Variants in PDE4B observed in about 807,000 individuals in gnomAD.
The protein encoded by PDE4B is 3',5'-cyclic-AMP phosphodiesterase 4B.
Under a neutral mutation model 82.2 loss-of-function variants are expected in PDE4B, and 20 were observed. The observed-to-expected ratio is 0.24, with a 90% CI of 0.17 to 0.35. The LOEUF is 0.35. PDE4B is among the 10% of genes least tolerant of loss of function. The pLI is 1.00. For synonymous variants in PDE4B, 320 were observed against 318.9 expected (o/e 1.00, Z -0.04); for missense variants, 655 against 907.2 (o/e 0.72, Z 3.57).
intron 6 of PDE4B, among the ~76,000 whole-genome samples, chr1:66,259,656 G>A (rs1283509177): frequency 1.3e-5 from 2 of 152,120 alleles, no homozygotes; most frequent in Admixed American, 6.6e-5. Context: ...CCCACCACTA[G>A]ACTGTGTGCC....
intron 3 of PDE4B, among the ~76,000 whole-genome samples, chr1:66,206,063 G>T (rs922944514): frequency 5.3e-5 from 8 of 152,232 alleles, no homozygotes; most frequent in Admixed American, 3.9e-4. Flanking sequence ...GACACTCATG[G>T]AGTGGCGATG....
intron 1 of PDE4B, among the ~76,000 whole-genome samples, chr1:65,830,011 C>T (rs1646064212): frequency 1.3e-5 from 2 of 152,048 alleles, no homozygotes; most frequent in African/African-American, 4.8e-5. Context: ...ACAAGGGACT[C>T]TTAAGACATG....
intron 3 of PDE4B, among the ~76,000 whole-genome samples, chr1:65,981,545 CTTT>C (rs35405572): frequency 1.5e-4 from 21 of 140,250 alleles, no homozygotes; most frequent in Admixed American, 2.1e-4. Flanking sequence ...TTCATGTTTC[CTTT>C]TTTTTTTTTT....
chr1:65,970,217 CTT>C (rs34884275), intron 3 of PDE4B, among the ~76,000 whole-genome samples: 2,698 of 143,490 alleles, frequency 0.019, 79 homozygotes, highest in African/African-American at 0.065. Context: ...CAAATATTTT[CTT>C]TTTTTTTTTT....
At chr1:65,950,965 T>C (rs889370379) in intron 3 of PDE4B, among the ~76,000 whole-genome samples, 4 of 152,108 alleles carry the variant, frequency 2.6e-5, no homozygotes, top group Non-Finnish European at 5.9e-5. Context: ...AAATCTTCTA[T>C]AGTCTTGGAT....
intron 7 of PDE4B, among the ~76,000 whole-genome samples, chr1:66,293,989 T>C (rs901938007): frequency 5.9e-5 from 9 of 152,198 alleles, no homozygotes; most frequent in African/African-American, 1.7e-4. Context: ...GCAAGTCCCC[T>C]GAAATCAGGA....
Position 65,796,955 on chromosome 1 carries a change from A to ATTT in PDE4B, c.-71+3720_-71+3722dup, listed in dbSNP as rs71058430. 3.4e-3 allele frequency among the ~76,000 whole-genome samples: 447 copies of ATTT among 131,210 alleles called. 4 individuals are homozygous for ATTT. Among genetic ancestry groups the ATTT allele is most frequent in the Non-Finnish European group, 5.8e-3 (364 of 62,960 alleles). The allele number at this position is 131,210 out of a possible 152,430, so 86.1% of individuals were successfully genotyped here. ...TGAGCCACCGTGTCTAGCCTGAAAC[A>ATTT]TTTTTTTTTTTTTTTGAGATGGAGT... On this transcript the variant is annotated intron_variant, in intron 1 of 16. Coordinates refer to ENST00000341517, the MANE Select transcript of PDE4B (RefSeq NM_002600.4).
intron 3 of PDE4B, among the ~76,000 whole-genome samples, chr1:66,069,209 T>C (rs1423373907): frequency 2.0e-5 from 3 of 152,030 alleles, no homozygotes; most frequent in East Asian, 1.9e-4. Flanking sequence ...ATAACTCCAA[T>C]TGACTTTTCC....
At chr1:65,971,452 G>T (rs1650132779) in intron 3 of PDE4B, among the ~76,000 whole-genome samples, 2 of 152,038 alleles carry the variant, frequency 1.3e-5, no homozygotes, top group African/African-American at 4.8e-5. Flanking sequence ...AGTTATTTAG[G>T]CATCTCTATT....
chr1:66,209,059 T>A (rs1211048398), intron 3 of PDE4B, among the ~76,000 whole-genome samples: 1 of 152,224 alleles, frequency 6.6e-6, no homozygotes, highest in East Asian at 1.9e-4. Flanking sequence ...TGTCAGGATA[T>A]GAATACTTAG....
intron 3 of PDE4B, among the ~76,000 whole-genome samples, chr1:66,000,288 T>C (rs1651793971): frequency 6.6e-6 from 1 of 152,232 alleles, no homozygotes; most frequent in Non-Finnish European, 1.5e-5. Flanking sequence ...AATATTTACA[T>C]AGTGTACATT....
At chr1:66,002,277 A>C (rs980560780) in intron 3 of PDE4B, among the ~76,000 whole-genome samples, 2 of 152,088 alleles carry the variant, frequency 1.3e-5, no homozygotes, top group African/African-American at 4.8e-5. Flanking sequence ...TGCTATCCTT[A>C]TCTCTTTGGT....
chr1:65,968,497 T>TA (rs971407466), intron 3 of PDE4B, among the ~76,000 whole-genome samples: 1 of 2,762 alleles, frequency 3.6e-4, no homozygotes, highest in Non-Finnish European at 9.3e-3. Flanking sequence ...TTGACTATAA[T>TA]TTTTTTTTTA....
chr1:65,854,002 C>T (rs1324585172), intron 1 of PDE4B, among the ~76,000 whole-genome samples: 2 of 152,022 alleles, frequency 1.3e-5, no homozygotes, highest in African/African-American at 4.8e-5. Context: ...CAGTCACTCA[C>T]ATGGTTTTCT....
intron 7 of PDE4B, among the ~76,000 whole-genome samples, chr1:66,296,553 T>C (rs1657528002): frequency 6.6e-6 from 1 of 152,160 alleles, no homozygotes; most frequent in African/African-American, 2.4e-5. Flanking sequence ...GCATGTTACT[T>C]AATTCTTTTA....
intron 13 of PDE4B, among the ~76,000 whole-genome samples, chr1:66,367,152 A>G (rs776617956): frequency 1.3e-5 from 2 of 152,168 alleles, no homozygotes; most frequent in Non-Finnish European, 2.9e-5. Context: ...AAAAAGTAGT[A>G]ATGTTTAGTA....
chr1:65,802,264 T>G (rs1256296660), intron 1 of PDE4B, among the ~76,000 whole-genome samples: 1 of 152,198 alleles, frequency 6.6e-6, no homozygotes, highest in East Asian at 1.9e-4. Context: ...TGCTTTTGAC[T>G]CCACTGTAAT....
At chr1:65,822,473 G>T (rs935735578) in intron 1 of PDE4B, among the ~76,000 whole-genome samples, 5 of 152,072 alleles carry the variant, frequency 3.3e-5, no homozygotes, top group African/African-American at 7.2e-5. Flanking sequence ...GAGAATTTGT[G>T]GTGCTTCATA....
intron 3 of PDE4B, among the ~76,000 whole-genome samples, chr1:66,024,255 C>G (rs1653310839): frequency 1.3e-5 from 2 of 152,016 alleles, no homozygotes; most frequent in African/African-American, 4.8e-5. Flanking sequence ...GGTCTCTTAC[C>G]AAGTTATTTT....
Sources: allele counts gnomAD v4.1 joint callset (sites outside exome capture counted in the v4.1 genomes callset), GRCh38; gene constraint gnomAD v4.1.1; transcripts MANE v1.5; gene names NCBI Gene and HGNC (gene_info 2026-07-23, HGNC 2026-07-21).